The following SGTB variants were observed in gnomAD, a reference collection of about 807,000 sequenced individuals.
SGTB encodes the protein small glutamine rich tetratricopeptide repeat co-chaperone beta.
Under a neutral mutation model 43.9 loss-of-function variants are expected in SGTB, and 19 were observed. That is an observed-to-expected ratio of 0.43 (90% CI 0.30 to 0.63). The LOEUF (loss-of-function observed/expected upper bound fraction) is 0.63. SGTB is among the 30% of genes least tolerant of loss of function. The probability of loss-of-function intolerance (pLI) is 0.12; values close to 1 mark genes in which losing one functional copy is unlikely to be tolerated. For synonymous variants in SGTB, 116 were observed against 117.3 expected (o/e 0.99, Z 0.07); for missense variants, 304 against 358.9 (o/e 0.85, Z 1.24).
Position 65,707,383 on chromosome 5 carries a change from C to T in SGTB, c.274+1106G>A, listed in dbSNP as rs140854309. On this transcript the variant is annotated intron_variant, in intron 4 of 10. Transcript: ENST00000381007. ...GTTTCATATCCACCTTTTTAGATAC[C>T]AGCTGATTTTATACACACACACACA... Among the ~76,000 whole-genome samples the T allele has an allele frequency of 5.9e-4, 87 of 147,596 alleles. No homozygotes were observed. In the East Asian group the frequency reaches 0.016, roughly 27 times the overall value.
chr5:65,708,641 C>A (rs1406299522), intron 3 of SGTB, 83 bp from the exon 4 acceptor site: 2 of 1,061,010 alleles, frequency 1.9e-6, no homozygotes, highest in Non-Finnish European at 1.3e-6. Context: ...TAATAAATTA[C>A]CCACATTTTA....
At chr5:65,700,735 C>CGTG (rs1428299732) in intron 5 of SGTB, among the ~76,000 whole-genome samples, 1 of 145,640 alleles carries the variant, frequency 6.9e-6, no homozygotes, top group Non-Finnish European at 1.5e-5. Flanking sequence ...CATGGCTGGG[C>CGTG]GTGGTTGCTC....
rs937357043 is a variant in SGTB at position 65,712,438 on chromosome 5, G to C, written c.204+523C>G. On this transcript the variant is annotated intron_variant, in intron 3 of 10. Coordinates refer to ENST00000381007, the MANE Select transcript of SGTB (RefSeq NM_019072.3). ...CCCAGGAGCAGGGATCAGAAAACTT[G>C]GATTTCAGTCTTAGTTTTGCACAGT... 5.9e-5 allele frequency among the ~76,000 whole-genome samples: 9 copies of C among 152,254 alleles called. No individual in the cohort carries two copies. In the South Asian group the frequency reaches 1.5e-3, roughly 25 times the overall value.
At chr5:65,708,870 G>C in intron 3 of SGTB, among the ~76,000 whole-genome samples, 1 of 151,946 alleles carries the variant, frequency 6.6e-6, no homozygotes, top group East Asian at 1.9e-4. Context: ...GTGAAACCCC[G>C]TCTCTATAGA....
intron 3 of SGTB, 97 bp from the exon 4 acceptor site, chr5:65,708,655 C>A: frequency 2.3e-6 from 2 of 881,912 alleles, no homozygotes; most frequent in Admixed American, 3.1e-5. Context: ...CATTTTAAAT[C>A]ATCTGTAACT....
At chr5:65,710,912 C>G (rs919948518) in intron 3 of SGTB, among the ~76,000 whole-genome samples, 3 of 150,360 alleles carry the variant, frequency 2.0e-5, no homozygotes, top group Non-Finnish European at 4.4e-5. Context: ...AGGAGAATCA[C>G]TTGAAACTGG....
chr5:65,722,483 G>T (rs1758336666), upstream of SGTB: 1 of 1,399,472 alleles, frequency 7.1e-7, no homozygotes, highest in Non-Finnish European at 9.8e-7. Flanking sequence ...GGTGCCTGGA[G>T]CCCGGACCCA....
intron 8 of SGTB, among the ~76,000 whole-genome samples, chr5:65,678,027 T>C (rs938929368): frequency 3.3e-5 from 5 of 152,100 alleles, no homozygotes; most frequent in African/African-American, 1.2e-4. Flanking sequence ...AAATAAAGCA[T>C]ATTCAAATAG....
At position 65,680,784 on chromosome 5, in the gene SGTB, T is replaced by G. The variant is rs1231826448; in HGVS notation, c.490A>C (p.Thr164Pro). 1.2e-6 allele frequency: 2 copies of G among 1,613,346 alleles called. No individual in the cohort carries two copies. Among genetic ancestry groups the G allele is most frequent in the Non-Finnish European group, 1.7e-6 (2 of 1,179,922 alleles). ...KAYGRMGLAL[T>P]ALNKFEEAVT... ...GCTTCTTCAAATTTATTCAAGGCAG[T>G]GAGGGCCAGCCTGAAGGGAATAGAA... The change falls in exon 7 of 11, where the codon ACT becomes CCT. Residue 164 changes from threonine to proline, a missense_variant. Physicochemically the swap from Thr to Pro is conservative, Grantham distance 38 (BLOSUM62 -1). Coordinates refer to ENST00000381007, the MANE Select transcript of SGTB (RefSeq NM_019072.3).
chr5:65,706,532 T>C (rs558059440), intron 4 of SGTB, among the ~76,000 whole-genome samples: 1 of 152,278 alleles, frequency 6.6e-6, no homozygotes, highest in Admixed American at 6.5e-5. Context: ...ATAAAATACT[T>C]AACATATAAA....
At chr5:65,679,934 C>A (rs1324522974) in intron 8 of SGTB, among the ~76,000 whole-genome samples, 1 of 152,172 alleles carries the variant, frequency 6.6e-6, no homozygotes, top group African/African-American at 2.4e-5. Flanking sequence ...CAATGATAGA[C>A]TGGATAAAGA....
intron 5 of SGTB, among the ~76,000 whole-genome samples, chr5:65,699,619 G>A (rs1486019715): frequency 6.6e-6 from 1 of 152,134 alleles, no homozygotes; most frequent in Non-Finnish European, 1.5e-5. Context: ...TAGTTGACTG[G>A]TTTGTTTGGT....
intron 2 of SGTB, among the ~76,000 whole-genome samples, chr5:65,716,219 G>T (rs2150725072): frequency 6.6e-6 from 1 of 152,368 alleles, no homozygotes; most frequent in East Asian, 1.9e-4. Flanking sequence ...TTAGGCAAGA[G>T]GATATGGTAC....
chr5:65,676,627 C>T (rs1040081977), intron 8 of SGTB, among the ~76,000 whole-genome samples: 2 of 152,126 alleles, frequency 1.3e-5, no homozygotes, highest in Admixed American at 1.3e-4. Flanking sequence ...ACAGAATATA[C>T]GTTCTTCTCA....
At chr5:65,706,437 A>T (rs932795290) in intron 4 of SGTB, among the ~76,000 whole-genome samples, 14 of 152,184 alleles carry the variant, frequency 9.2e-5, no homozygotes, top group Admixed American at 6.5e-5. Flanking sequence ...AAAGGTGTAG[A>T]TATCATAATG....
intron 2 of SGTB, among the ~76,000 whole-genome samples, chr5:65,717,110 A>G (rs1163761545): frequency 6.6e-6 from 1 of 152,138 alleles, no homozygotes; most frequent in East Asian, 1.9e-4. Flanking sequence ...CTCAGATGAA[A>G]GCTGAGAACT....
At chr5:65,672,381 C>T in intron 8 of SGTB, 100 bp from the exon 9 acceptor site, 1 of 1,398,698 alleles carries the variant, frequency 7.1e-7, no homozygotes, top group Non-Finnish European at 1.0e-6. Context: ...ATCATGTATG[C>T]ACTAACATTT....
chr5:65,692,279 T>C (rs1367046157), intron 5 of SGTB, among the ~76,000 whole-genome samples: 2 of 152,182 alleles, frequency 1.3e-5, no homozygotes, highest in Non-Finnish European at 2.9e-5. Context: ...GAACAGATGA[T>C]AAAATATTTA....
intron 5 of SGTB, among the ~76,000 whole-genome samples, chr5:65,693,592 T>A (rs1757661098): frequency 6.6e-6 from 1 of 152,110 alleles, no homozygotes; most frequent in Non-Finnish European, 1.5e-5. Context: ...CGCTGCCATG[T>A]CACTGTTTCA....
Sources: allele counts gnomAD v4.1 joint callset (sites outside exome capture counted in the v4.1 genomes callset), GRCh38; gene constraint gnomAD v4.1.1; transcripts MANE v1.5; gene names NCBI Gene and HGNC (gene_info 2026-07-23, HGNC 2026-07-21).